FAF1: variants seen among roughly 807,000 people sequenced by gnomAD.
The protein encoded by FAF1 is FAS-associated factor 1.
Under a neutral mutation model 92.5 loss-of-function variants are expected in FAF1, and 25 were observed. The observed-to-expected ratio is 0.27, with a 90% CI of 0.20 to 0.38. The LOEUF (loss-of-function observed/expected upper bound fraction) is 0.38, where lower values mean the gene tolerates loss of function less well. FAF1 is among the 10% of genes least tolerant of loss of function. The pLI, the probability that FAF1 is intolerant of heterozygous loss-of-function variation, is 1.00. For synonymous variants in FAF1, 234 were observed against 273.2 expected (o/e 0.86, Z 1.42); for missense variants, 636 against 793.3 (o/e 0.80, Z 2.38).
chr1:50,476,486 C>T (rs902345826), intron 17 of FAF1, among the ~76,000 whole-genome samples: 1 of 152,102 alleles, frequency 6.6e-6, no homozygotes, highest in African/African-American at 2.4e-5. Context: ...TCATGGCTAG[C>T]GTGGGCTTGA....
At chr1:50,853,951 C>T (rs559865082) in intron 2 of FAF1, among the ~76,000 whole-genome samples, 23 of 152,036 alleles carry the variant, frequency 1.5e-4, no homozygotes, top group African/African-American at 5.5e-4. Context: ...TTCAGAAATA[C>T]TTCATATATC....
chr1:50,886,539 C>T (rs758740795), intron 1 of FAF1, among the ~76,000 whole-genome samples: 37 of 152,168 alleles, frequency 2.4e-4, no homozygotes, highest in Non-Finnish European at 4.4e-4. Flanking sequence ...TCCCCCCACC[C>T]CACAACAGGC....
chr1:50,635,228 C>G (rs1653957360), intron 8 of FAF1, among the ~76,000 whole-genome samples: 1 of 152,178 alleles, frequency 6.6e-6, no homozygotes, highest in Non-Finnish European at 1.5e-5. Context: ...ATACTGCCTA[C>G]CTAATAAAGG....
intron 15 of FAF1, among the ~76,000 whole-genome samples, chr1:50,528,746 T>C (rs1312258284): frequency 6.6e-6 from 1 of 152,152 alleles, no homozygotes; most frequent in Admixed American, 6.6e-5. Context: ...TGCCTGCCTC[T>C]TCTGCCTCCT....
chr1:50,755,113 T>A (rs1433458365), intron 4 of FAF1, among the ~76,000 whole-genome samples: 4 of 152,084 alleles, frequency 2.6e-5, no homozygotes, highest in Non-Finnish European at 4.4e-5. Flanking sequence ...TCCCCCAAAG[T>A]CTTAACTCAT....
intron 6 of FAF1, among the ~76,000 whole-genome samples, chr1:50,722,646 C>CAAAAAAAA: frequency 1.5e-5 from 1 of 65,734 alleles, no homozygotes; most frequent in African/African-American, 5.5e-5. Context: ...GCGACAGTCT[C>CAAAAAAAA]AAAAAAAAAA....
At chr1:50,715,898 T>C (rs1658147341) in intron 6 of FAF1, among the ~76,000 whole-genome samples, 1 of 152,246 alleles carries the variant, frequency 6.6e-6, no homozygotes, top group African/African-American at 2.4e-5. Context: ...TATTTTTATA[T>C]ATATGAACAT....
intron 4 of FAF1, among the ~76,000 whole-genome samples, chr1:50,761,304 T>C (rs889412096): frequency 6.6e-5 from 10 of 151,942 alleles, no homozygotes; most frequent in South Asian, 4.1e-4. Context: ...TTCCAATCAA[T>C]AGAAAAAGAG....
intron 1 of FAF1, among the ~76,000 whole-genome samples, chr1:50,905,546 G>A (rs914786295): frequency 6.6e-6 from 1 of 152,210 alleles, no homozygotes. Flanking sequence ...TCTAGCACCT[G>A]CAGTTTCCTG....
intron 1 of FAF1, among the ~76,000 whole-genome samples, chr1:50,863,220 A>T (rs188542631): frequency 6.6e-6 from 1 of 152,062 alleles, no homozygotes; most frequent in East Asian, 1.9e-4. Flanking sequence ...AACCCTCAAA[A>T]CCATGCAAAT....
intron 8 of FAF1, among the ~76,000 whole-genome samples, chr1:50,649,238 C>T (rs190593333): frequency 3.3e-5 from 5 of 152,104 alleles, no homozygotes; most frequent in Admixed American, 2.6e-4. Context: ...CTGCAACCTC[C>T]GCCTTCCGGG....
At chr1:50,678,582 C>A (rs972471582) in intron 7 of FAF1, among the ~76,000 whole-genome samples, 2 of 151,398 alleles carry the variant, frequency 1.3e-5, no homozygotes, top group Admixed American at 1.3e-4. Flanking sequence ...GAGATAGAGA[C>A]CATCCTGGCC....
At chr1:50,780,280 G>A (rs1227658875) in intron 4 of FAF1, 1 of 152,638 alleles carries the variant, frequency 6.6e-6, no homozygotes, top group Non-Finnish European at 1.5e-5. Flanking sequence ...ATGTATAGCT[G>A]GGGAATTCAT....
At position 50,867,500 on chromosome 1, in the gene FAF1, T is replaced by C. The variant is rs1179605104; in HGVS notation, c.46-9503A>G. ...AAATCAGCAAGAAAAAAACAAACAATCCTATTAAAAACTGGGCTAGGGACA... is the reference window on the plus strand; with the variant it reads ...AAATCAGCAAGAAAAAAACAAACAACCCTATTAAAAACTGGGCTAGGGACA... On this transcript the variant is annotated intron_variant, in intron 1 of 18. Transcript: ENST00000396153. 2.0e-5 allele frequency among the ~76,000 whole-genome samples: 3 copies of C among 151,126 alleles called. No individual in the cohort carries two copies. In the East Asian group the frequency reaches 5.9e-4, roughly 30 times the overall value.
chr1:50,600,940 A>G lies in FAF1; in HGVS notation c.745-4724T>C, dbSNP rs1373640247. Among the ~76,000 whole-genome samples, 4 of 152,206 alleles carry G rather than the reference A, an allele frequency of 2.6e-5. No homozygotes were observed. The South Asian group carries it at 8.3e-4, about 31-fold the overall frequency. ...TTAATTTTTAGAATGGTAAATGTCA[A>G]TGAATATAATCCACATAAACAAAAG... On this transcript the variant is annotated intron_variant, in intron 8 of 18. Transcript: ENST00000396153.
chr1:50,952,094 T>A (rs918027156), intron 1 of FAF1, among the ~76,000 whole-genome samples: 4 of 152,104 alleles, frequency 2.6e-5, no homozygotes, highest in Middle Eastern at 3.2e-3. Context: ...GCCCTCTCCC[T>A]CTCCCCTTTC....
chr1:50,644,006 C>T (rs1282715893), intron 8 of FAF1, among the ~76,000 whole-genome samples: 1 of 152,168 alleles, frequency 6.6e-6, no homozygotes, highest in Non-Finnish European at 1.5e-5. Flanking sequence ...ACTTTAAAGT[C>T]CATGTCTGCC....
At chr1:50,836,043 T>C (rs1445927548) in intron 2 of FAF1, among the ~76,000 whole-genome samples, 3 of 152,132 alleles carry the variant, frequency 2.0e-5, no homozygotes, top group Non-Finnish European at 4.4e-5. Context: ...ACTGTTCATT[T>C]GTAAAGTGAG....
intron 4 of FAF1, among the ~76,000 whole-genome samples, chr1:50,757,443 T>C (rs894185229): frequency 3.3e-5 from 5 of 152,238 alleles, no homozygotes; most frequent in African/African-American, 1.2e-4. Context: ...ATTAGATATA[T>C]ACACAGTTAG....
Sources: gnomAD v4.1 joint callset for allele counts (sites outside exome capture counted in the v4.1 genomes callset) on GRCh38, gnomAD v4.1.1 for gene constraint, MANE v1.5 for transcripts, NCBI Gene and HGNC (gene_info 2026-07-23, HGNC 2026-07-21) for gene names.